Variants in PTPRN2 observed in about 807,000 individuals in gnomAD.
The protein encoded by PTPRN2 is receptor-type tyrosine-protein phosphatase N2.
PTPRN2 carries 74 observed loss-of-function variants against 118.8 expected under a neutral mutation model. The ratio of observed to expected loss-of-function variants is 0.62; its 90% CI spans 0.52 to 0.76. The LOEUF (loss-of-function observed/expected upper bound fraction) is 0.76, where lower values mean the gene tolerates loss of function less well. Among genes scored for constraint, PTPRN2 ranks in the 30% least tolerant of loss-of-function variants. The probability of loss-of-function intolerance (pLI) is 0.00; values close to 1 mark genes in which losing one functional copy is unlikely to be tolerated. For synonymous variants in PTPRN2, 641 were observed against 608.0 expected (o/e 1.05, Z -0.80); for missense variants, 1,481 against 1,394.4 (o/e 1.06, Z -0.99).
chr7:158,319,476 GCACAGCCTCCCTCACACT>G (rs1802668495), intron 2 of PTPRN2, among the ~76,000 whole-genome samples: 8 of 35,634 alleles, frequency 2.2e-4, no homozygotes, highest in South Asian at 1.0e-3. Flanking sequence ...TCACACACAA[GCACAGCCTCCCTCACACT>G]CACACAGCCT....
rs544207729 is a variant in PTPRN2, at chr7:158,538,343, TCTC to T, written c.113-48561_113-48559del. On this transcript the variant is annotated intron_variant, in intron 1 of 22. Coordinates refer to ENST00000389418, the MANE Select transcript of PTPRN2 (RefSeq NM_002847.5). Reference sequence around the variant, plus strand: ...CCTCACAAACACTAACCCCAGTGGTTCTCCTCCCAGCACTGCCCCTCACCCCTG... The same window carrying T: ...CCTCACAAACACTAACCCCAGTGGTTCTCCCAGCACTGCCCCTCACCCCTG... 2.8e-4 allele frequency among the ~76,000 whole-genome samples: 43 copies of T among 152,344 alleles called. No individual in the cohort carries two copies. The South Asian group carries it at 8.5e-3, about 30-fold the overall frequency.
At chr7:158,224,484 T>C (rs1165244994) in intron 3 of PTPRN2, among the ~76,000 whole-genome samples, 2 of 152,200 alleles carry the variant, frequency 1.3e-5, no homozygotes, top group Admixed American at 6.5e-5. Context: ...AACAATTTAA[T>C]GGTAGGAAAA....
In PTPRN2 at chr7:157,712,761, A is replaced by T. The variant is rs866138057; in HGVS notation, c.1789-29824T>A. Among the ~76,000 whole-genome samples the T allele has an allele frequency of 0.013, 1,918 of 151,476 alleles. 98 individuals carry two copies. The South Asian group carries it at 0.15, about 12-fold the overall frequency. ...AGTGAAACTCCATCTCAAAAAAAAAAAAAAAAAAAAAAAGGGAAATTCAGA... is the reference window on the plus strand; with the variant it reads ...AGTGAAACTCCATCTCAAAAAAAAATAAAAAAAAAAAAAGGGAAATTCAGA... On this transcript the variant is annotated intron_variant, in intron 12 of 22. Transcript: ENST00000389418.
At chr7:157,669,040 T>C (rs1363082387) in intron 13 of PTPRN2, among the ~76,000 whole-genome samples, 3 of 152,178 alleles carry the variant, frequency 2.0e-5, no homozygotes, top group Non-Finnish European at 4.4e-5. Context: ...CAGTAACCAA[T>C]GATTTCGTTG....
At chr7:158,139,405 G>A (rs554815995) in intron 6 of PTPRN2, among the ~76,000 whole-genome samples, 4 of 152,222 alleles carry the variant, frequency 2.6e-5, no homozygotes, top group South Asian at 2.1e-4. Flanking sequence ...TCATAGAAGC[G>A]ATCATCGTTG....
chr7:158,521,423 T>G (rs1823990086), intron 1 of PTPRN2, among the ~76,000 whole-genome samples: 1 of 152,210 alleles, frequency 6.6e-6, no homozygotes, highest in Non-Finnish European at 1.5e-5. Flanking sequence ...GCATCTAAAT[T>G]TAACAATGAG....
intron 10 of PTPRN2, among the ~76,000 whole-genome samples, chr7:158,083,775 AGACCCAG>A (rs1813027535): frequency 6.6e-6 from 1 of 152,038 alleles, no homozygotes; most frequent in Non-Finnish European, 1.5e-5. Context: ...AGGCCCAGCG[AGACCCAG>A]GTGCCTGCGG....
At chr7:158,157,658 C>T (rs977105760) in intron 6 of PTPRN2, among the ~76,000 whole-genome samples, 2 of 152,210 alleles carry the variant, frequency 1.3e-5, no homozygotes, top group Non-Finnish European at 2.9e-5. Flanking sequence ...CCGCACTGGG[C>T]GCATCCACGT....
At chr7:157,717,944 G>A (rs200694347) in intron 12 of PTPRN2, among the ~76,000 whole-genome samples, 12 of 152,240 alleles carry the variant, frequency 7.9e-5, no homozygotes, top group East Asian at 3.8e-4. Context: ...TGAAACATGC[G>A]CAGCCATTTC....
intron 14 of PTPRN2, among the ~76,000 whole-genome samples, chr7:157,634,042 G>A (rs979164604): frequency 7.9e-5 from 12 of 152,114 alleles, no homozygotes; most frequent in African/African-American, 2.2e-4. Context: ...CAGTGGAGGC[G>A]GGCGAATGAG....
At chr7:158,084,299 C>T (rs942983779) in intron 10 of PTPRN2, among the ~76,000 whole-genome samples, 5 of 151,574 alleles carry the variant, frequency 3.3e-5, no homozygotes, top group East Asian at 2.0e-4. Context: ...CCGCCCGCCA[C>T]GTCTGCTGTG....
chr7:158,211,089 T>C (rs1827561851), intron 3 of PTPRN2, among the ~76,000 whole-genome samples: 2 of 152,272 alleles, frequency 1.3e-5, no homozygotes, highest in South Asian at 4.1e-4. Flanking sequence ...CAGTCTCTTC[T>C]ATAAATGGTG....
intron 13 of PTPRN2, among the ~76,000 whole-genome samples, chr7:157,668,031 G>T (rs1255998755): frequency 1.3e-5 from 2 of 152,232 alleles, no homozygotes; most frequent in Non-Finnish European, 2.9e-5. Context: ...AGCTCCTCAG[G>T]TGTGAGCACA....
chr7:157,975,169 C>G (rs1187360532), intron 11 of PTPRN2, among the ~76,000 whole-genome samples: 1 of 152,126 alleles, frequency 6.6e-6, no homozygotes, highest in East Asian at 1.9e-4. Context: ...CCAGTTCCTG[C>G]CAACACTGCT....
chr7:158,109,856 G>A (rs766372058), intron 10 of PTPRN2, among the ~76,000 whole-genome samples: 6 of 150,926 alleles, frequency 4.0e-5, no homozygotes, highest in Admixed American at 2.6e-4. Context: ...AGTGAATGAC[G>A]TCACCCCTAT....
intron 9 of PTPRN2, among the ~76,000 whole-genome samples, chr7:158,125,681 G>A (rs1290355142): frequency 2.6e-5 from 4 of 152,176 alleles, no homozygotes; most frequent in South Asian, 2.1e-4. Context: ...GGGCATGTCC[G>A]CCCTCAGGAG....
At chr7:158,256,891 AAG>A (rs1420052798) in intron 3 of PTPRN2, among the ~76,000 whole-genome samples, 15 of 152,204 alleles carry the variant, frequency 9.9e-5, no homozygotes, top group African/African-American at 3.4e-4. Flanking sequence ...CTTATGCAAA[AAG>A]AAACATGGAT....
rs34672555 is a variant in PTPRN2, at chr7:158,534,053, G to A, written c.113-44268C>T. Among the ~76,000 whole-genome samples, 401 of 104,334 alleles carry A rather than the reference G, an allele frequency of 3.8e-3. 7 individuals carry two copies. The highest frequency in any genetic ancestry group is 0.02 in the Middle Eastern group (3 of 152). The allele number at this position is 104,334 out of a possible 152,430, so 68.4% of individuals were successfully genotyped here. ...GGGATGGCTGTGGGTGCAGGTTGTG[G>A]CCACCCATGCCCCGGGCTCCATCAG... On this transcript the variant is annotated intron_variant, in intron 1 of 22. Coordinates refer to ENST00000389418, the MANE Select transcript of PTPRN2 (RefSeq NM_002847.5).
intron 12 of PTPRN2, among the ~76,000 whole-genome samples, chr7:157,887,570 G>GTACCCAC (rs1796543640): frequency 1.0e-4 from 1 of 9,660 alleles, no homozygotes; most frequent in Non-Finnish European, 1.7e-4. Flanking sequence ...CCAGTACATG[G>GTACCCAC]TCCCCCAGTG....
Sources: gnomAD v4.1 joint callset for allele counts (sites outside exome capture counted in the v4.1 genomes callset) on GRCh38, gnomAD v4.1.1 for gene constraint, MANE v1.5 for transcripts, NCBI Gene and HGNC (gene_info 2026-07-23, HGNC 2026-07-21) for gene names.